KIRREL3: variants seen among roughly 807,000 people sequenced by gnomAD.
The protein encoded by KIRREL3 is kirre like nephrin family adhesion molecule 3.
A neutral mutation model predicts 89.7 loss-of-function variants in KIRREL3; 36 were observed. The ratio of observed to expected loss-of-function variants is 0.40; its 90% confidence interval spans 0.31 to 0.53. The LOEUF is 0.53. Among genes scored for constraint, KIRREL3 ranks in the 20% least tolerant of loss-of-function variants. KIRREL3 has a pLI of 0.49. For missense variants in KIRREL3, 864 were observed against 1,056.6 expected, an observed-to-expected ratio of 0.82 and a Z score of 2.53; for synonymous variants, 445 against 441.4, an observed-to-expected ratio of 1.01 and a Z score of -0.10.
intron 1 of KIRREL3, among the ~76,000 whole-genome samples, chr11:126,939,784 T>C (rs775715446): frequency 3.3e-5 from 5 of 152,182 alleles, no homozygotes; most frequent in Admixed American, 2.0e-4. Flanking sequence ...GAAACTGATA[T>C]TATAGCAAAT....
rs1591582011 is a variant in KIRREL3 at position 126,463,401 on chromosome 11, A to G, written c.592-94T>C. 1.2e-5 allele frequency: 15 copies of G among 1,282,622 alleles called. No individual in the cohort carries two copies. The East Asian group carries it at 3.7e-4, about 32-fold the overall frequency. 79.5% of individuals were successfully genotyped at this position (1,282,622 alleles called of 1,614,324 possible). ...GGTAAACGAGCACCAGCTTAGACAG[A>G]AGGGGGAGCTGTGGATGGAGGGGTT... On this transcript the variant is annotated intron_variant, in intron 5 of 16. Transcript: ENST00000525144. This position sits in a 1 kb window ranked among gnomAD's most constrained non-coding sequence, Gnocchi z 5.9.
chr11:126,508,756 T>C lies in KIRREL3; in HGVS notation c.433+12559A>G, dbSNP rs964630068. On this transcript the variant is annotated intron_variant, in intron 4 of 16. Coordinates refer to ENST00000525144, the MANE Select transcript of KIRREL3 (RefSeq NM_032531.4). This position sits in a 1 kb window ranked among gnomAD's most constrained non-coding sequence, Gnocchi z 4.9. ...TTGTGTGTGACCTTGGGCAAGGTAA[T>C]GAGCCTCTATGTCTCAGCTTCCTCG... Among the ~76,000 whole-genome samples the C allele has an allele frequency of 6.6e-6, 1 of 152,166 alleles. No homozygotes were observed. The highest frequency in any genetic ancestry group is 6.5e-5 in the Admixed American group (1 of 15,282).
rs371505883 is a variant in KIRREL3, at chr11:126,829,954, T to C, written c.55+170501A>G. Among the ~76,000 whole-genome samples the C allele has an allele frequency of 1.2e-3, 182 of 152,318 alleles. 3 individuals carry two copies. The South Asian group carries it at 0.036, about 30-fold the overall frequency. ...CCTGAGCCTGGAAAGATGTGCATAG[T>C]CTTTCCACAGTTATTTCTCTAACCA... On this transcript the variant is annotated intron_variant, in intron 1 of 16. Transcript: ENST00000525144.
At chr11:126,648,203 T>TC (rs1224615053) in intron 1 of KIRREL3, among the ~76,000 whole-genome samples, 1 of 152,202 alleles carries the variant, frequency 6.6e-6, no homozygotes, top group African/African-American at 2.4e-5. Flanking sequence ...TTCTGAGGCC[T>TC]CCCCAGCTGT....
Position 126,771,301 on chromosome 11 carries a change from AATGAC to A in KIRREL3, c.56-208394_56-208390del, listed in dbSNP as rs1950014635. On this transcript the variant is annotated intron_variant, in intron 1 of 16. Transcript: ENST00000525144. The surrounding 1 kb of genome is among the most constrained non-coding windows in gnomAD (Gnocchi z 4.4). ...AGGAAACCGAGGCTTAGAGTGGTTA[AATGAC>A]CTGCTTGAGTCCAGTTAACAGACAT... Among the ~76,000 whole-genome samples, 1 of 152,040 alleles carries A rather than the reference AATGAC, an allele frequency of 6.6e-6. No individual in the cohort carries two copies. The highest frequency in any genetic ancestry group is 1.5e-5 in the Non-Finnish European group (1 of 68,004).
rs1244043800 is a variant in KIRREL3 at position 126,496,324 on chromosome 11, A to G, written c.434-22858T>C. On this transcript the variant is annotated intron_variant, in intron 4 of 16. Transcript: ENST00000525144. The surrounding 1 kb of genome is among the most constrained non-coding windows in gnomAD (Gnocchi z 4.9). ...CTTTCTCTTTACCAGAACCCTGAAC[A>G]CTGGTAAGGCAGGCATTCTTAGTCC... 2.0e-5 allele frequency among the ~76,000 whole-genome samples: 3 copies of G among 152,188 alleles called. No individual in the cohort carries two copies. The highest frequency in any genetic ancestry group is 7.2e-5 in the African/African-American group (3 of 41,440).
Position 126,795,314 on chromosome 11 carries a change from G to A in KIRREL3, c.55+205141C>T, listed in dbSNP as rs11220612. Among the ~76,000 whole-genome samples the A allele has an allele frequency of 0.34, 50,944 of 151,800 alleles. 8,952 individuals are homozygous for A. Among genetic ancestry groups the A allele is most frequent in the African/African-American group, 0.45 (18,458 of 41,232 alleles). On this transcript the variant is annotated intron_variant, in intron 1 of 16. Coordinates refer to ENST00000525144, the MANE Select transcript of KIRREL3 (RefSeq NM_032531.4). This position sits in a 1 kb window ranked among gnomAD's most constrained non-coding sequence, Gnocchi z 4.1. Reference sequence around the variant, plus strand: ...TACACTAATGCAAGATGCTAATAATGGGGGAAACTCAGGGCAGAGGTTGGG... The same window carrying A: ...TACACTAATGCAAGATGCTAATAATAGGGGAAACTCAGGGCAGAGGTTGGG...
chr11:126,616,242 GA>G (rs1446724918), intron 1 of KIRREL3, among the ~76,000 whole-genome samples: 2 of 152,080 alleles, frequency 1.3e-5, no homozygotes, highest in African/African-American at 4.8e-5. Flanking sequence ...TTGGGAGAAT[GA>G]ATGGGAGAGG....
At chr11:126,834,523 C>T (rs1362496552) in intron 1 of KIRREL3, among the ~76,000 whole-genome samples, 2 of 152,234 alleles carry the variant, frequency 1.3e-5, no homozygotes, top group Non-Finnish European at 2.9e-5. Flanking sequence ...ATCATCTCAT[C>T]TGCTCACTAT....
intron 1 of KIRREL3, among the ~76,000 whole-genome samples, chr11:126,821,351 A>ATATATATATATATATATGTGTGTG: frequency 9.5e-6 from 1 of 105,270 alleles, no homozygotes; most frequent in Middle Eastern, 5.3e-3. Context: ...ATATATATAT[A>ATATATATATATATATATGTGTGTG]TGTAACTTCC....
chr11:126,930,112 A>C (rs1407016346), intron 1 of KIRREL3, among the ~76,000 whole-genome samples: 2 of 152,148 alleles, frequency 1.3e-5, no homozygotes, highest in Admixed American at 1.3e-4. Context: ...CTTAAAAAAA[A>C]AAAACTCTTC....
intron 4 of KIRREL3, among the ~76,000 whole-genome samples, chr11:126,518,859 G>T (rs1377193057): frequency 1.3e-5 from 2 of 152,262 alleles, no homozygotes; most frequent in Non-Finnish European, 2.9e-5. Context: ...TGCAAGACCA[G>T]CTGGGTTGGG....
chr11:126,753,007 C>T (rs1489569673), intron 1 of KIRREL3, among the ~76,000 whole-genome samples: 1 of 152,084 alleles, frequency 6.6e-6, no homozygotes, highest in Non-Finnish European at 1.5e-5. Flanking sequence ...TTTTATGTGA[C>T]CCATGGGTAC....
At chr11:126,446,017 C>G (rs117799435) in intron 9 of KIRREL3, among the ~76,000 whole-genome samples, 6 of 151,822 alleles carry the variant, frequency 4.0e-5, no homozygotes, top group East Asian at 1.9e-4. Flanking sequence ...GCGTGGTGGC[C>G]CATACCCATA....
chr11:126,582,566 G>T (rs1234995843), intron 1 of KIRREL3, among the ~76,000 whole-genome samples: 2 of 152,216 alleles, frequency 1.3e-5, no homozygotes, highest in Non-Finnish European at 2.9e-5. Flanking sequence ...CCACGGCAGG[G>T]ACAGCTGAGA....
Position 126,955,794 on chromosome 11 carries a change from T to C in KIRREL3, c.55+44661A>G, listed in dbSNP as rs959248459. Among the ~76,000 whole-genome samples the C allele has an allele frequency of 4.6e-5, 7 of 152,166 alleles. No homozygotes were observed. The highest frequency in any genetic ancestry group is 1.0e-4 in the Non-Finnish European group (7 of 68,028). On this transcript the variant is annotated intron_variant, in intron 1 of 16. Transcript: ENST00000525144. The surrounding 1 kb of genome is among the most constrained non-coding windows in gnomAD (Gnocchi z 4.6). ...GCTTAGCTCTAGTGAGAGAGAAGCATTCAGGGCTGATGTTCTGAATGGCAG... is the reference window on the plus strand; with the variant it reads ...GCTTAGCTCTAGTGAGAGAGAAGCACTCAGGGCTGATGTTCTGAATGGCAG...
At position 126,905,260 on chromosome 11, in the gene KIRREL3, A is replaced by G. The variant is rs913575904; in HGVS notation, c.55+95195T>C. Among the ~76,000 whole-genome samples the G allele has an allele frequency of 6.6e-6, 1 of 152,078 alleles. No individual in the cohort carries two copies. The highest frequency in any genetic ancestry group is 1.5e-5 in the Non-Finnish European group (1 of 68,022). ...AAGGGGAGGGTGGGTGATATTTTTT[A>G]GTGAAGGAGATGCTTCCGGGGGGAG... On this transcript the variant is annotated intron_variant, in intron 1 of 16. Coordinates refer to ENST00000525144, the MANE Select transcript of KIRREL3 (RefSeq NM_032531.4). The surrounding 1 kb of genome is among the most constrained non-coding windows in gnomAD (Gnocchi z 5.0).
Position 126,898,606 on chromosome 11 carries a change from A to G in KIRREL3, c.55+101849T>C, listed in dbSNP as rs1164014850. On this transcript the variant is annotated intron_variant, in intron 1 of 16. Transcript: ENST00000525144. This position sits in a 1 kb window ranked among gnomAD's most constrained non-coding sequence, Gnocchi z 4.9. ...GAAACAGAATTATATCTGTAGCACA[A>G]TGTCCTTTAGGTAAATTAAAATCAT... 1.3e-5 allele frequency among the ~76,000 whole-genome samples: 2 copies of G among 152,200 alleles called. No homozygotes were observed. The highest frequency in any genetic ancestry group is 2.4e-5 in the African/African-American group (1 of 41,458).
intron 3 of KIRREL3, among the ~76,000 whole-genome samples, chr11:126,524,629 C>T (rs1958693934): frequency 6.6e-6 from 1 of 152,188 alleles, no homozygotes; most frequent in Non-Finnish European, 1.5e-5. Flanking sequence ...CTGGTTATTC[C>T]AGCTTTGGTG....
Sources: allele counts gnomAD v4.1 joint callset (sites outside exome capture counted in the v4.1 genomes callset), GRCh38; gene constraint gnomAD v4.1.1; non-coding constraint Gnocchi (gnomAD v3.1); transcripts MANE v1.5; gene names NCBI Gene and HGNC (gene_info 2026-07-23, HGNC 2026-07-21).